INPP4B: variants seen among roughly 807,000 people sequenced by gnomAD.
INPP4B encodes inositol polyphosphate-4-phosphatase type II B.
In INPP4B, 55 loss-of-function variants were observed where a neutral mutation model predicts 122.5. The observed-to-expected ratio is 0.45, with a 90% confidence interval of 0.36 to 0.56. The LOEUF (loss-of-function observed/expected upper bound fraction) is 0.56. Ranked by LOEUF, INPP4B falls within the 20% of genes least tolerant of loss-of-function variation. The pLI, the probability that INPP4B is intolerant of heterozygous loss-of-function variation, is 0.00. For missense variants in INPP4B, 1,000 were observed against 1,097.7 expected (o/e 0.91, Z 1.26); for synonymous variants, 403 against 388.7 (o/e 1.04, Z -0.43).
At chr4:142,656,235 G>C (rs1239607172) in intron 2 of INPP4B, among the ~76,000 whole-genome samples, 1 of 152,174 alleles carries the variant, frequency 6.6e-6, no homozygotes, top group Non-Finnish European at 1.5e-5. Context: ...TCACCCAATA[G>C]AACCCTGTTT....
intron 11 of INPP4B, among the ~76,000 whole-genome samples, chr4:142,249,365 T>C (rs1730776744): frequency 6.6e-6 from 1 of 152,022 alleles, no homozygotes; most frequent in African/African-American, 2.4e-5. Flanking sequence ...ATATAATAAT[T>C]TTACCAAAAA....
chr4:142,717,960 C>T (rs1263780959), intron 2 of INPP4B, among the ~76,000 whole-genome samples: 1 of 127,450 alleles, frequency 7.8e-6, no homozygotes, highest in South Asian at 2.5e-4. Context: ...GTCTCTGAAA[C>T]GAAGAACAAG....
chr4:142,261,632 G>A (rs1246546448), intron 10 of INPP4B, among the ~76,000 whole-genome samples: 1 of 152,104 alleles, frequency 6.6e-6, no homozygotes, highest in South Asian at 2.1e-4. Context: ...CCTTGCTTGA[G>A]CTATTTCCCC....
At chr4:142,222,110 C>T (rs568271530) in intron 12 of INPP4B, among the ~76,000 whole-genome samples, 104 of 152,276 alleles carry the variant, frequency 6.8e-4, no homozygotes, top group African/African-American at 2.5e-3. Flanking sequence ...CAGGTGGGTG[C>T]CACCACACCC....
At chr4:142,451,806 A>T (rs1475532472) in intron 3 of INPP4B, among the ~76,000 whole-genome samples, 2 of 152,182 alleles carry the variant, frequency 1.3e-5, no homozygotes, top group Non-Finnish European at 2.9e-5. Flanking sequence ...AAACAGAAGC[A>T]CTGAGCTTTT....
At chr4:142,536,696 C>T (rs568084145) in intron 2 of INPP4B, among the ~76,000 whole-genome samples, 41 of 152,112 alleles carry the variant, frequency 2.7e-4, no homozygotes, top group Non-Finnish European at 7.3e-5. Context: ...TCTCAGTACC[C>T]AGAAGGCTTG....
At position 142,028,711 on chromosome 4, in the gene INPP4B, A is replaced by C. The variant is rs34280694; in HGVS notation, c.*71T>G. On this transcript the variant is annotated 3_prime_UTR_variant, in exon 26 of 26. Transcript: ENST00000262992. ...CAAATTCATGACAATAAAAACAAAC[A>C]AAAAAGACCAAGGTGAAGATTATCC... is the stretch of plus-strand genomic sequence containing the variant. 0.053 allele frequency: 79,337 copies of C among 1,496,824 alleles called. 2,418 individuals carry two copies. Among genetic ancestry groups the C allele is most frequent in the Non-Finnish European group, 0.062 (68,761 of 1,108,912 alleles). The allele number at this position is 1,496,824 out of a possible 1,614,324, so 92.7% of individuals were successfully genotyped here. A position where few individuals can be genotyped will look rare whatever the true frequency, so the allele number is the denominator to read the frequency against.
intron 3 of INPP4B, among the ~76,000 whole-genome samples, chr4:142,447,188 G>A (rs1813093999): frequency 1.3e-5 from 2 of 152,150 alleles, no homozygotes; most frequent in South Asian, 4.1e-4. Context: ...CAAGGAAGTT[G>A]TATGGATCTG....
chr4:142,300,765 T>C (rs1187673885), intron 9 of INPP4B, among the ~76,000 whole-genome samples: 1 of 152,154 alleles, frequency 6.6e-6, no homozygotes, highest in Non-Finnish European at 1.5e-5. Context: ...AAAATATAAT[T>C]ATATATCCAT....
At chr4:142,446,301 A>G (rs924737600) in intron 3 of INPP4B, among the ~76,000 whole-genome samples, 2 of 151,882 alleles carry the variant, frequency 1.3e-5, no homozygotes, top group African/African-American at 4.8e-5. Context: ...AACATATTAA[A>G]TGATTATCAA....
At chr4:142,833,511 A>G (rs891923304) in intron 1 of INPP4B, among the ~76,000 whole-genome samples, 8 of 152,042 alleles carry the variant, frequency 5.3e-5, no homozygotes, top group South Asian at 2.1e-4. Context: ...TATTAATACT[A>G]TAATTTTATA....
intron 2 of INPP4B, among the ~76,000 whole-genome samples, chr4:142,535,018 A>C (rs1828024912): frequency 6.6e-6 from 1 of 152,194 alleles, no homozygotes. Flanking sequence ...TCTCATGCTT[A>C]TATTAACAAT....
In INPP4B at chr4:142,208,991, G is replaced by A; in HGVS notation, c.872C>T (p.Pro291Leu). 1 of 1,603,938 alleles carries A rather than the reference G, an allele frequency of 6.2e-7. No individual in the cohort carries two copies. Among genetic ancestry groups the A allele is most frequent in the Non-Finnish European group, 8.5e-7 (1 of 1,173,602 alleles). The stretch of plus-strand genomic sequence containing the variant: ...ATTTTTTCGCAGATTGTCCCAATGT[G>A]GAGAAAGCTCACCAAGTTCTTTTAT... ...QEIKELGELS[P>L]HWDNLRKNVL... Residue 291 changes from proline (P) to leucine (L), a missense_variant, in exon 13 of 26, where the codon CCA becomes CTA. Physicochemically the swap from Pro to Leu is moderately conservative, Grantham distance 98 (BLOSUM62 -3). Transcript: ENST00000262992.
chr4:142,405,921 A>C (rs764095579), intron 5 of INPP4B, among the ~76,000 whole-genome samples: 7 of 152,036 alleles, frequency 4.6e-5, no homozygotes, highest in Non-Finnish European at 8.8e-5. Context: ...CTAAGCCTGG[A>C]GGAGATGGGT....
intron 1 of INPP4B, among the ~76,000 whole-genome samples, chr4:142,845,660 G>A (rs986609651): frequency 1.3e-5 from 2 of 152,096 alleles, no homozygotes; most frequent in African/African-American, 4.8e-5. Flanking sequence ...CAAGGCAACC[G>A]GGACCACCAA....
chr4:142,724,817 A>T (rs138418935), intron 2 of INPP4B, among the ~76,000 whole-genome samples: 2,450 of 152,214 alleles, frequency 0.016, 60 homozygotes, highest in African/African-American at 0.054. Flanking sequence ...AAAGTTCAGA[A>T]ATAAGCTTTC....
rs201604763 is a variant in INPP4B at position 142,754,705 on chromosome 4, G to GT, written c.-253-28805dup. On this transcript the variant is annotated intron_variant, in intron 1 of 25. Transcript: ENST00000262992. ...ATGAACAGATTCAGTCTCAAAATGT[G>GT]TTTTTTTTAGTGAATTTGATTGGAA... is the stretch of plus-strand genomic sequence containing the variant. Among the ~76,000 whole-genome samples the GT allele has an allele frequency of 5.7e-3, 865 of 151,648 alleles. 4 individuals carry two copies. The highest frequency in any genetic ancestry group is 0.027 in the Middle Eastern group (8 of 292).
At chr4:142,648,805 C>G (rs926819171) in intron 2 of INPP4B, among the ~76,000 whole-genome samples, 1 of 152,208 alleles carries the variant, frequency 6.6e-6, no homozygotes, top group African/African-American at 2.4e-5. Flanking sequence ...GAACAAAAGG[C>G]AGCAACGTCC....
chr4:142,529,146 T>A (rs1355102943), intron 2 of INPP4B, among the ~76,000 whole-genome samples: 2 of 152,102 alleles, frequency 1.3e-5, no homozygotes, highest in African/African-American at 4.8e-5. Flanking sequence ...CGGATGCTTT[T>A]ATGGAATCAT....
Sources: allele counts gnomAD v4.1 joint callset (sites outside exome capture counted in the v4.1 genomes callset), GRCh38; gene constraint gnomAD v4.1.1; transcripts MANE v1.5; gene names NCBI Gene and HGNC (gene_info 2026-07-23, HGNC 2026-07-21).